The following PPM1E variants were observed in gnomAD, a reference collection of about 807,000 sequenced individuals.
The protein encoded by PPM1E is protein phosphatase, Mg2+/Mn2+ dependent 1E, also known as protein phosphatase 1E.
In PPM1E, 20 loss-of-function variants were observed where a neutral mutation model predicts 65.9. That is an observed-to-expected ratio of 0.30 (90% CI 0.21 to 0.44). PPM1E has a LOEUF of 0.44. Among genes scored for constraint, PPM1E ranks in the 20% least tolerant of loss-of-function variants. The pLI, the probability that PPM1E is intolerant of heterozygous loss-of-function variation, is 1.00. For synonymous variants in PPM1E, 352 were observed against 374.9 expected (o/e 0.94, Z 0.70); for missense variants, 713 against 953.1 (o/e 0.75, Z 3.32).
intron 1 of PPM1E, among the ~76,000 whole-genome samples, chr17:58,760,294 C>T (rs1402705307): frequency 6.6e-6 from 1 of 152,166 alleles, no homozygotes; most frequent in African/African-American, 2.4e-5. Flanking sequence ...ACAGCTTTAC[C>T]TAGATGTCAA....
Position 58,909,408 on chromosome 17 carries a change from C to T in PPM1E, c.465-46241C>T, listed in dbSNP as rs538605067. On this transcript the variant is annotated intron_variant, in intron 1 of 6. Transcript: ENST00000308249. ...AGTAGCTAGGACTACAGGTACACAC[C>T]GTCACACCTGGATATCTTTGTTTCC... Among the ~76,000 whole-genome samples the T allele has an allele frequency of 5.3e-5, 8 of 152,200 alleles. No homozygotes were observed. The South Asian group carries it at 8.3e-4, about 16-fold the overall frequency.
intron 1 of PPM1E, among the ~76,000 whole-genome samples, chr17:58,938,162 A>T (rs1284897201): frequency 2.0e-5 from 3 of 152,144 alleles, no homozygotes; most frequent in Non-Finnish European, 2.9e-5. Flanking sequence ...CCCATCTTTG[A>T]AATTAAAAAA....
chr17:58,809,889 A>G (rs928415034), intron 1 of PPM1E, among the ~76,000 whole-genome samples: 3 of 152,228 alleles, frequency 2.0e-5, no homozygotes, highest in Non-Finnish European at 4.4e-5. Flanking sequence ...AAGCCACATA[A>G]TTTAAAATTT....
chr17:58,766,016 G>A (rs1409814990), intron 1 of PPM1E, among the ~76,000 whole-genome samples: 1 of 149,712 alleles, frequency 6.7e-6, no homozygotes, highest in Non-Finnish European at 1.5e-5. Flanking sequence ...AAGTAGCTGG[G>A]ATTATAGGTG....
intron 1 of PPM1E, among the ~76,000 whole-genome samples, chr17:58,905,546 C>G (rs2143483997): frequency 6.6e-6 from 1 of 152,202 alleles, no homozygotes; most frequent in South Asian, 2.1e-4. Context: ...ATCAATTTTG[C>G]ATATCTGAGA....
intron 1 of PPM1E, among the ~76,000 whole-genome samples, chr17:58,820,323 TA>T (rs2050467107): frequency 6.6e-6 from 1 of 152,170 alleles, no homozygotes; most frequent in African/African-American, 2.4e-5. Context: ...CTCCACTTAC[TA>T]ATTTTGTGTG....
chr17:58,836,305 T>C (rs183743122), intron 1 of PPM1E, among the ~76,000 whole-genome samples: 107 of 152,124 alleles, frequency 7.0e-4, no homozygotes, highest in Non-Finnish European at 5.1e-4. Flanking sequence ...TTAATGTATT[T>C]CATCATCTGC....
Position 58,972,970 on chromosome 17 carries a change from C to G in PPM1E, c.1210+45C>G, listed in dbSNP as rs542229249. 4 of 1,368,494 alleles carry G rather than the reference C, an allele frequency of 2.9e-6. No individual in the cohort carries two copies. The African/African-American group carries it at 5.7e-5, about 20-fold the overall frequency. The allele number at this position is 1,368,494 out of a possible 1,614,324, so 84.8% of individuals were successfully genotyped here. A position where few individuals can be genotyped will look rare whatever the true frequency, so the allele number is the denominator to read the frequency against. ...GTTTCTCCAAACTGTCCTCTTCTAG[C>G]TCATTCTCCTGTATCAACTCTGATA... is the stretch of plus-strand genomic sequence containing the variant. On this transcript the variant is annotated intron_variant, in intron 6 of 6. Transcript: ENST00000308249.
At chr17:58,940,187 A>G (rs1194854306) in intron 1 of PPM1E, among the ~76,000 whole-genome samples, 2 of 152,208 alleles carry the variant, frequency 1.3e-5, no homozygotes, top group African/African-American at 2.4e-5. Context: ...CTATGTTATT[A>G]TCATGTTAGT....
chr17:58,843,764 G>A (rs1220171632), intron 1 of PPM1E, among the ~76,000 whole-genome samples: 3 of 152,120 alleles, frequency 2.0e-5, no homozygotes, highest in Non-Finnish European at 2.9e-5. Flanking sequence ...CCTGGAGGTT[G>A]AGGGTGCACT....
At chr17:58,978,100 C>T (rs2031131112) in intron 6 of PPM1E, among the ~76,000 whole-genome samples, 1 of 152,196 alleles carries the variant, frequency 6.6e-6, no homozygotes, top group Admixed American at 6.5e-5. Context: ...TCAGATTACT[C>T]AAGTGAGTTT....
At chr17:58,893,349 C>T (rs1292829906) in intron 1 of PPM1E, among the ~76,000 whole-genome samples, 1 of 152,016 alleles carries the variant, frequency 6.6e-6, no homozygotes, top group Non-Finnish European at 1.5e-5. Context: ...TGAAAGAAGC[C>T]AATTTGAAAA....
chr17:58,847,978 G>A (rs1284429947), intron 1 of PPM1E, among the ~76,000 whole-genome samples: 1 of 152,122 alleles, frequency 6.6e-6, no homozygotes, highest in Non-Finnish European at 1.5e-5. Context: ...CCTTGAAGAG[G>A]TCCTTCACAT....
At chr17:58,875,009 G>A (rs1258564122) in intron 1 of PPM1E, among the ~76,000 whole-genome samples, 4 of 151,866 alleles carry the variant, frequency 2.6e-5, no homozygotes, top group Admixed American at 2.0e-4. Flanking sequence ...TCATGAATTT[G>A]GTGTGTGTCC....
intron 1 of PPM1E, among the ~76,000 whole-genome samples, chr17:58,937,722 C>T (rs1381316020): frequency 1.3e-5 from 2 of 148,614 alleles, no homozygotes; most frequent in Non-Finnish European, 3.0e-5. Flanking sequence ...TAATAGTAAA[C>T]TACAAAAATT....
At chr17:58,953,966 G>A (rs1250287527) in intron 1 of PPM1E, among the ~76,000 whole-genome samples, 2 of 152,110 alleles carry the variant, frequency 1.3e-5, no homozygotes, top group South Asian at 2.1e-4. Context: ...GGCAAGTCTT[G>A]AACTCCTGAT....
chr17:58,900,940 C>A (rs1406894923), intron 1 of PPM1E, among the ~76,000 whole-genome samples: 1 of 152,112 alleles, frequency 6.6e-6, no homozygotes, highest in Non-Finnish European at 1.5e-5. Context: ...ATGTACCTTA[C>A]AACTATCCTT....
At chr17:58,946,363 T>G (rs1567884114) in intron 1 of PPM1E, among the ~76,000 whole-genome samples, 1 of 152,216 alleles carries the variant, frequency 6.6e-6, no homozygotes, top group Non-Finnish European at 1.5e-5. Context: ...TTTGTATATC[T>G]TCTTTGGAAA....
chr17:58,821,229 G>A (rs2050476512), intron 1 of PPM1E, among the ~76,000 whole-genome samples: 2 of 152,026 alleles, frequency 1.3e-5, no homozygotes, highest in African/African-American at 4.8e-5. Context: ...TCCTGCCTCA[G>A]CCTCCTGAGT....
Sources: allele counts gnomAD v4.1 joint callset (sites outside exome capture counted in the v4.1 genomes callset), GRCh38; gene constraint gnomAD v4.1.1; transcripts MANE v1.5; gene names NCBI Gene and HGNC (gene_info 2026-07-23, HGNC 2026-07-21).